The following RGS7 variants were observed in gnomAD, a reference collection of about 807,000 sequenced individuals.
RGS7 encodes the protein regulator of G protein signaling 7, also known as regulator of G-protein signaling 7.
In RGS7, 27 loss-of-function variants were observed where a neutral mutation model predicts 81.1. The ratio of observed to expected loss-of-function variants is 0.33; its 90% CI spans 0.25 to 0.46. The LOEUF is 0.46. Ranked by LOEUF, RGS7 falls within the 20% of genes least tolerant of loss-of-function variation. The probability of loss-of-function intolerance (pLI) is 1.00; values close to 1 mark genes in which losing one functional copy is unlikely to be tolerated. For synonymous variants in RGS7, 208 were observed against 207.7 expected, an observed-to-expected ratio of 1.00 and a Z score of -0.01; for missense variants, 396 against 607.4, an observed-to-expected ratio of 0.65 and a Z score of 3.66.
At chr1:241,229,652 G>A (rs2075536041) in intron 2 of RGS7, among the ~76,000 whole-genome samples, 1 of 152,168 alleles carries the variant, frequency 6.6e-6, no homozygotes, top group African/African-American at 2.4e-5. Flanking sequence ...CGGTGTAGTA[G>A]TCCACTTCCT....
intron 4 of RGS7, among the ~76,000 whole-genome samples, chr1:240,960,635 T>G (rs1463247702): frequency 6.7e-6 from 1 of 149,720 alleles, no homozygotes; most frequent in East Asian, 2.0e-4. Context: ...AAGCCTGAGA[T>G]GAGACTCATG....
At chr1:240,809,035 A>C (rs1689384844) in intron 14 of RGS7, among the ~76,000 whole-genome samples, 1 of 152,140 alleles carries the variant, frequency 6.6e-6, no homozygotes, top group Non-Finnish European at 1.5e-5. Context: ...GGATTAGTTG[A>C]TTAAATTAAT....
intron 2 of RGS7, among the ~76,000 whole-genome samples, chr1:241,326,334 T>G (rs2081490682): frequency 6.6e-6 from 1 of 152,186 alleles, no homozygotes; most frequent in South Asian, 2.1e-4. Context: ...GGATAAACCA[T>G]AGGCTACCTT....
chr1:241,026,201 GC>G (rs1326356841), intron 3 of RGS7, among the ~76,000 whole-genome samples: 1 of 152,192 alleles, frequency 6.6e-6, no homozygotes, highest in African/African-American at 2.4e-5. Context: ...CTAGTGGTGT[GC>G]CTCACACACA....
intron 4 of RGS7, among the ~76,000 whole-genome samples, chr1:240,939,916 TA>T (rs1193300093): frequency 1.3e-5 from 2 of 151,540 alleles, no homozygotes; most frequent in East Asian, 3.9e-4. Flanking sequence ...CTAAAAAAAA[TA>T]AAAAATAAAA....
intron 3 of RGS7, among the ~76,000 whole-genome samples, chr1:241,090,111 T>C (rs555081494): frequency 1.3e-5 from 2 of 152,228 alleles, no homozygotes; most frequent in East Asian, 3.9e-4. Context: ...TTGGACAGGT[T>C]TGCAATTTGA....
intron 2 of RGS7, among the ~76,000 whole-genome samples, chr1:241,256,187 G>A (rs994718184): frequency 6.6e-6 from 1 of 151,836 alleles, no homozygotes; most frequent in Non-Finnish European, 1.5e-5. Flanking sequence ...TTATGTAAGA[G>A]GATATAGAAA....
intron 9 of RGS7, among the ~76,000 whole-genome samples, chr1:240,839,491 T>C (rs952128427): frequency 6.6e-6 from 1 of 152,184 alleles, no homozygotes; most frequent in African/African-American, 2.4e-5. Flanking sequence ...TCTCATGATA[T>C]ATTTAGGAAA....
At position 241,060,863 on chromosome 1, in the gene RGS7, A is replaced by G. The variant is rs184091383; in HGVS notation, c.175+37803T>C. Among the ~76,000 whole-genome samples, 6 of 152,336 alleles carry G rather than the reference A, an allele frequency of 3.9e-5. No individual in the cohort carries two copies. The East Asian group carries it at 1.2e-3, about 29-fold the overall frequency. ...GAATAGCTTAAACTCCCTTTGTGAA[A>G]GAAACACCTTGTAACTGACCCAGAA... On this transcript the variant is annotated intron_variant, in intron 3 of 18. Coordinates refer to ENST00000440928, the MANE Select transcript of RGS7 (RefSeq NM_001364886.1).
chr1:240,843,121 T>C (rs55862156), intron 9 of RGS7, among the ~76,000 whole-genome samples: 1 of 151,120 alleles, frequency 6.6e-6, no homozygotes, highest in African/African-American at 2.4e-5. Flanking sequence ...GCTGAGATCA[T>C]GCCGCTGCAC....
intron 2 of RGS7, among the ~76,000 whole-genome samples, chr1:241,231,459 C>A (rs776693764): frequency 1.6e-4 from 24 of 151,806 alleles, no homozygotes; most frequent in Non-Finnish European, 2.6e-4. Context: ...TTTTAGGAGA[C>A]AGGGTTTTGC....
intron 9 of RGS7, among the ~76,000 whole-genome samples, chr1:240,859,645 G>GT (rs947254769): frequency 3.3e-5 from 5 of 150,876 alleles, no homozygotes; most frequent in African/African-American, 1.2e-4. Context: ...GACTTTACTG[G>GT]TTTTTTCCAA....
At chr1:241,175,567 C>A (rs2071071241) in intron 2 of RGS7, among the ~76,000 whole-genome samples, 1 of 152,172 alleles carries the variant, frequency 6.6e-6, no homozygotes, top group South Asian at 2.1e-4. Context: ...AAGTGGACAT[C>A]TGTGTCAATG....
At chr1:241,120,076 T>C (rs1035122865) in intron 2 of RGS7, among the ~76,000 whole-genome samples, 2 of 152,216 alleles carry the variant, frequency 1.3e-5, no homozygotes, top group African/African-American at 4.8e-5. Context: ...CTTTTGACTT[T>C]AGGATAAAGC....
intron 3 of RGS7, among the ~76,000 whole-genome samples, chr1:241,020,348 C>A (rs2059478262): frequency 6.6e-6 from 1 of 152,274 alleles, no homozygotes; most frequent in African/African-American, 2.4e-5. Flanking sequence ...AAGATGTTGA[C>A]AGGGTCATAC....
intron 2 of RGS7, among the ~76,000 whole-genome samples, chr1:241,177,145 G>A (rs2071213511): frequency 6.6e-6 from 1 of 152,158 alleles, no homozygotes; most frequent in Non-Finnish European, 1.5e-5. Flanking sequence ...TAACAATCAA[G>A]AGATAATAAA....
At chr1:241,249,861 A>T (rs1014563466) in intron 2 of RGS7, among the ~76,000 whole-genome samples, 30 of 152,312 alleles carry the variant, frequency 2.0e-4, no homozygotes, top group Admixed American at 6.5e-4. Context: ...ATGGTGGCAT[A>T]TTTATACAGA....
chr1:241,284,314 C>T (rs1225850423), intron 2 of RGS7, among the ~76,000 whole-genome samples: 1 of 152,006 alleles, frequency 6.6e-6, no homozygotes, highest in Admixed American at 6.6e-5. Context: ...AGAAGAGGAA[C>T]CACCCCATGA....
intron 6 of RGS7, among the ~76,000 whole-genome samples, chr1:240,924,674 G>C (rs763932677): frequency 6.6e-6 from 1 of 151,950 alleles, no homozygotes; most frequent in South Asian, 2.1e-4. Flanking sequence ...AATTAATGTG[G>C]TTACCATGAT....
Sources: allele counts gnomAD v4.1 joint callset (sites outside exome capture counted in the v4.1 genomes callset), GRCh38; gene constraint gnomAD v4.1.1; transcripts MANE v1.5; gene names NCBI Gene and HGNC (gene_info 2026-07-23, HGNC 2026-07-21).